Variants in CREBBP observed in about 807,000 individuals in gnomAD.
CREBBP encodes the protein CREB-binding protein.
A neutral mutation model predicts 265.0 loss-of-function variants in CREBBP; 19 were observed. The ratio of observed to expected loss-of-function variants is 0.07; its 90% CI spans 0.05 to 0.11. The LOEUF (loss-of-function observed/expected upper bound fraction) is 0.11. Ranked by LOEUF, CREBBP falls within the 10% of genes least tolerant of loss-of-function variation. The pLI, the probability that CREBBP is intolerant of heterozygous loss-of-function variation, is 1.00. For synonymous variants in CREBBP, 1,457 were observed against 1,223.7 expected (o/e 1.19, Z -3.98); for missense variants, 2,525 against 3,219.0 (o/e 0.78, Z 5.22).
chr16:3,863,598 T>A (rs148018207), intron 1 of CREBBP, among the ~76,000 whole-genome samples: 70 of 152,152 alleles, frequency 4.6e-4, no homozygotes, highest in African/African-American at 1.6e-3. Context: ...CAAGATTCTG[T>A]CTCAAAACAA....
At chr16:3,735,667 A>G (rs535774951) in intron 28 of CREBBP, among the ~76,000 whole-genome samples, 1 of 152,300 alleles carries the variant, frequency 6.6e-6, no homozygotes, top group South Asian at 2.1e-4. Flanking sequence ...AGAGGGCAGC[A>G]GGGCATGAGC....
rs1008030923 is a variant in CREBBP, at chr16:3,731,697, C to G, written c.4890+79G>C. ...TTCCCTCCCACCACAGACCTGCACA[C>G]GGGCCCACGCCCGCCAGCTGCGAGT... On this transcript the variant is annotated intron_variant, in intron 29 of 30. Transcript: ENST00000262367. This position sits in a 1 kb window ranked among gnomAD's most constrained non-coding sequence, Gnocchi z 7.7. The G allele has an allele frequency of 1.9e-6, 3 of 1,593,700 alleles. No homozygotes were observed. The highest frequency in any genetic ancestry group is 1.1e-5 in the South Asian group (1 of 90,652).
Position 3,738,545 on chromosome 16 carries a change from T to C in CREBBP, c.4394+14A>G. 2.0e-6 allele frequency: 3 copies of C among 1,497,832 alleles called. No homozygotes were observed. The highest frequency in any genetic ancestry group is 2.8e-6 in the Non-Finnish European group (3 of 1,074,246). 92.8% of individuals were successfully genotyped at this position (1,497,832 alleles called of 1,614,324 possible). A position where few individuals can be genotyped will look rare whatever the true frequency, so the allele number is the denominator to read the frequency against. ...GGGTTCTTACTAGTTCCAAATAATT[T>C]AATCCAAACTCACCCTAATTTCTTC... On this transcript the variant is annotated intron_variant, in intron 26 of 30. Transcript: ENST00000262367.
chr16:3,849,454 T>TGTGTGTGCG (rs1567360843), intron 2 of CREBBP, among the ~76,000 whole-genome samples: 1 of 90,324 alleles, frequency 1.1e-5, no homozygotes, highest in Non-Finnish European at 2.7e-5. Flanking sequence ...TGTGTGTGTG[T>TGTGTGTGCG]GTGTGTGTGT....
At chr16:3,879,673 A>C (rs1277661867) in intron 1 of CREBBP, among the ~76,000 whole-genome samples, 159 bp downstream of exon 1, 1 of 151,990 alleles carries the variant, frequency 6.6e-6, no homozygotes, top group Admixed American at 6.5e-5. Flanking sequence ...TCCTGCGACG[A>C]ACTTCCACCC....
At chr16:3,860,495 G>A (rs1418688422) in intron 1 of CREBBP, among the ~76,000 whole-genome samples, 9 of 152,070 alleles carry the variant, frequency 5.9e-5, no homozygotes, top group Admixed American at 4.6e-4. Context: ...CAAGACTGCT[G>A]GCATGTGCCA....
At position 3,727,910 on chromosome 16, in the gene CREBBP, C is replaced by A. The variant is rs1181420977; in HGVS notation, c.7137G>T (p.Gln2379His). 1 of 1,612,098 alleles carries A rather than the reference C, an allele frequency of 6.2e-7. No homozygotes were observed. The highest frequency in any genetic ancestry group is 8.5e-7 in the Non-Finnish European group (1 of 1,178,798). Residue 2379 changes from glutamine to histidine, a missense_variant, in exon 31 of 31, where the codon CAG (glutamine) becomes CAT (histidine). This residue lies in a region of CREBBP where 473 missense variants were observed against 459.3 expected (regional missense o/e 1.03). Coordinates refer to ENST00000262367, the MANE Select transcript of CREBBP (RefSeq NM_004380.3). Reference protein sequence around the residue: ...PQPSPHHVSPQTGSPHPGLAV... With the variant: ...PQPSPHHVSPHTGSPHPGLAV... ...CGAGTCCGGGGTGGGGGGAACCAGT[C>A]TGGGGTGAGACGTGGTGTGGCGAAG...
chr16:3,734,436 C>T (rs948582999), intron 28 of CREBBP, among the ~76,000 whole-genome samples: 1 of 152,172 alleles, frequency 6.6e-6, no homozygotes, highest in African/African-American at 2.4e-5. Flanking sequence ...CCAGCAGGAG[C>T]CCCTATCAGG....
chr16:3,799,933 C>A lies in CREBBP; in HGVS notation c.976-6307G>T, dbSNP rs544737381. Reference sequence around the variant, plus strand: ...TACTATTTTAATACCAAAAAGCATTCCATTTTGGGGGGAAATTCCCGAGAA... The same window carrying A: ...TACTATTTTAATACCAAAAAGCATTACATTTTGGGGGGAAATTCCCGAGAA... On this transcript the variant is annotated intron_variant, in intron 3 of 30. Coordinates refer to ENST00000262367, the MANE Select transcript of CREBBP (RefSeq NM_004380.3). Among the ~76,000 whole-genome samples the A allele has an allele frequency of 6.6e-5, 10 of 152,190 alleles. No individual in the cohort carries two copies. In the South Asian group the frequency reaches 2.1e-3, roughly 32 times the overall value.
At position 3,778,158 on chromosome 16, in the gene CREBBP, C is replaced by G. The variant is rs777012351; in HGVS notation, c.1966G>C (p.Glu656Gln). 1 of 1,611,758 alleles carries G rather than the reference C, an allele frequency of 6.2e-7. No individual in the cohort carries two copies. Among genetic ancestry groups the G allele is most frequent in the Admixed American group, 1.7e-5 (1 of 60,012 alleles). ...SRDEYYHLLA[E>Q]KIYKIQKELE... The stretch of plus-strand genomic sequence containing the variant: ...TCTTTTTGTATCTTGTAGATTTTCT[C>G]TGCTAATAAGTGATAATATTCATCC... The change falls in exon 10 of 31, where the codon GAG (glutamate) becomes CAG (glutamine). Residue 656 changes from glutamate to glutamine, a missense_variant. By Grantham distance (29) the Glu-to-Gln change is conservative. This residue lies in a region of CREBBP where 29 missense variants were observed against 99.9 expected (regional missense o/e 0.29). Transcript: ENST00000262367.
intron 1 of CREBBP, among the ~76,000 whole-genome samples, chr16:3,872,455 C>T (rs1332563561): frequency 6.6e-6 from 1 of 152,154 alleles, no homozygotes; most frequent in Non-Finnish European, 1.5e-5. Context: ...CAGGCAAAAG[C>T]CCCCACAGGC....
At chr16:3,766,101 G>C (rs1318550989) in intron 16 of CREBBP, among the ~76,000 whole-genome samples, 1 of 151,856 alleles carries the variant, frequency 6.6e-6, no homozygotes, top group Admixed American at 6.6e-5. Flanking sequence ...TGGAAAATCT[G>C]CAGAACTTAA....
chr16:3,730,424 A>AG (rs1219385905), intron 30 of CREBBP: 12 of 162,954 alleles, frequency 7.4e-5, no homozygotes, highest in Non-Finnish European at 1.6e-4. Flanking sequence ...GCAGTGCACC[A>AG]GTGGGACTTC....
At chr16:3,867,605 A>C (rs1009896137) in intron 1 of CREBBP, among the ~76,000 whole-genome samples, 7 of 152,074 alleles carry the variant, frequency 4.6e-5, no homozygotes, top group Non-Finnish European at 5.9e-5. Context: ...ACCGTTAAAA[A>C]AGAAGACTTA....
chr16:3,762,838 G>A lies in CREBBP; in HGVS notation c.3251-3866C>T, dbSNP rs1011904058. Among the ~76,000 whole-genome samples the A allele has an allele frequency of 4.0e-5, 6 of 150,964 alleles. 1 individual carries two copies. The highest frequency in any genetic ancestry group is 4.2e-4 in the South Asian group (2 of 4,738). On this transcript the variant is annotated intron_variant, in intron 16 of 30. Transcript: ENST00000262367. ...CGCCCAGGCTGGAGTGCAGTGGCGC[G>A]ATCTCGGCTCACTGCAAGCTCCGCC...
chr16:3,855,029 G>GT (rs550968601), intron 1 of CREBBP, among the ~76,000 whole-genome samples: 62 of 152,290 alleles, frequency 4.1e-4, no homozygotes, highest in African/African-American at 1.5e-3. Context: ...CTCAGGAAAT[G>GT]TAACACTGAT....
intron 5 of CREBBP, among the ~76,000 whole-genome samples, chr16:3,790,396 C>T (rs567934869): frequency 1.9e-4 from 17 of 88,724 alleles, no homozygotes; most frequent in Admixed American, 1.2e-3. Flanking sequence ...TTTTTTGAGA[C>T]GGAGTTTCGC....
chr16:3,800,949 G>A (rs1254041420), intron 3 of CREBBP, among the ~76,000 whole-genome samples: 2 of 152,180 alleles, frequency 1.3e-5, no homozygotes, highest in African/African-American at 4.8e-5. Flanking sequence ...AACAAATCAT[G>A]ATGGAGCTAT....
At chr16:3,842,098 A>T (rs910139433) in intron 2 of CREBBP, among the ~76,000 whole-genome samples, 1 of 152,184 alleles carries the variant, frequency 6.6e-6, no homozygotes, top group Non-Finnish European at 1.5e-5. Context: ...ATATTCCAAA[A>T]ACTTTATTCA....
Sources: allele counts gnomAD v4.1 joint callset (sites outside exome capture counted in the v4.1 genomes callset), GRCh38; gene constraint gnomAD v4.1.1; regional missense constraint gnomAD v4.1.1; non-coding constraint Gnocchi (gnomAD v3.1); transcripts MANE v1.5; gene names NCBI Gene and HGNC (gene_info 2026-07-23, HGNC 2026-07-21).